The following SCAI variants were observed in gnomAD, a reference collection of about 807,000 sequenced individuals.
The protein encoded by SCAI is protein SCAI.
In SCAI, 24 loss-of-function variants were observed where a neutral mutation model predicts 92.2. The ratio of observed to expected loss-of-function variants is 0.26; its 90% CI spans 0.19 to 0.37. The LOEUF (loss-of-function observed/expected upper bound fraction) is 0.37, where lower values mean the gene tolerates loss of function less well. Among genes scored for constraint, SCAI ranks in the 10% least tolerant of loss-of-function variants. The pLI, the probability that SCAI is intolerant of heterozygous loss-of-function variation, is 1.00. For synonymous variants in SCAI, 261 were observed against 258.6 expected (o/e 1.01, Z -0.09); for missense variants, 450 against 736.2 (o/e 0.61, Z 4.50).
intron 17 of SCAI, among the ~76,000 whole-genome samples, chr9:124,955,886 G>A (rs1209328065): frequency 6.6e-6 from 1 of 152,122 alleles, no homozygotes; most frequent in Non-Finnish European, 1.5e-5. Context: ...GTAACAGAAT[G>A]CATAAACAGC....
intron 2 of SCAI, among the ~76,000 whole-genome samples, chr9:125,071,597 T>C (rs1256171493): frequency 6.6e-6 from 1 of 152,150 alleles, no homozygotes; most frequent in African/African-American, 2.4e-5. Flanking sequence ...CCCACAAGAC[T>C]ATAAAGACAT....
chr9:125,141,388 A>C (rs1021256425), intron 2 of SCAI, among the ~76,000 whole-genome samples: 1 of 152,240 alleles, frequency 6.6e-6, no homozygotes, highest in African/African-American at 2.4e-5. Context: ...CTGGTCACAT[A>C]ACTACAGTAG....
chr9:124,943,910 A>G lies in SCAI; in HGVS notation c.*8897T>C, dbSNP rs1261678976. The G allele has an allele frequency of 1.3e-5, 2 of 152,236 alleles. No individual in the cohort carries two copies. Among genetic ancestry groups the G allele is most frequent in the Admixed American group, 6.5e-5 (1 of 15,282 alleles). 9.4% of individuals were successfully genotyped at this position (152,236 alleles called of 1,614,324 possible). On this transcript the variant is annotated 3_prime_UTR_variant, in exon 18 of 18. Transcript: ENST00000336505. ...GATTTATAACTGCTTCATCTGATTC[A>G]ATGATTAATGAAATCACTATTTATA...
chr9:125,131,610 G>C (rs1308103738), intron 2 of SCAI, among the ~76,000 whole-genome samples: 1 of 151,896 alleles, frequency 6.6e-6, no homozygotes, highest in Non-Finnish European at 1.5e-5. Flanking sequence ...TTTCATTCTT[G>C]AGTAAAATAT....
At chr9:125,055,085 C>A (rs1158970623) in intron 3 of SCAI, among the ~76,000 whole-genome samples, 1 of 152,124 alleles carries the variant, frequency 6.6e-6, no homozygotes, top group East Asian at 1.9e-4. Context: ...CAGTATACGT[C>A]CAAACCTGGG....
At chr9:124,984,591 T>C (rs1182152298) in intron 14 of SCAI, among the ~76,000 whole-genome samples, 3 of 152,134 alleles carry the variant, frequency 2.0e-5, no homozygotes, top group Non-Finnish European at 4.4e-5. Context: ...AGTAGTCAAG[T>C]ACGAAATCAA....
At chr9:125,047,448 C>T (rs766522594) in intron 3 of SCAI, among the ~76,000 whole-genome samples, 2 of 152,114 alleles carry the variant, frequency 1.3e-5, no homozygotes, top group Admixed American at 6.6e-5. Context: ...TTATGGCAGC[C>T]ATAGCAAACT....
chr9:125,033,463 TAAC>T (rs201793470), intron 3 of SCAI, among the ~76,000 whole-genome samples: 61 of 151,736 alleles, frequency 4.0e-4, no homozygotes, highest in African/African-American at 1.2e-3. Context: ...AAATAAGGTA[TAAC>T]AACAACAACA....
chr9:125,062,123 T>C (rs976973308), intron 2 of SCAI, among the ~76,000 whole-genome samples: 2 of 151,848 alleles, frequency 1.3e-5, no homozygotes, highest in Non-Finnish European at 2.9e-5. Context: ...CATGCCTTAA[T>C]CTCTAGATTT....
At chr9:124,986,536 C>G (rs1443354247) in intron 14 of SCAI, among the ~76,000 whole-genome samples, 1 of 152,120 alleles carries the variant, frequency 6.6e-6, no homozygotes, top group African/African-American at 2.4e-5. Context: ...GTGGAGGACA[C>G]AGTGTGAATG....
rs370360450 is a variant in SCAI at position 124,952,839 on chromosome 9, C to T, written c.1789G>A (p.Val597Met). Residue 597 changes from valine (V) to methionine (M), a missense_variant, in exon 18 of 18, where the codon GTG becomes ATG. By Grantham distance (21) the Val-to-Met change is conservative (BLOSUM62 1). Around this residue, in one of 3 missense-constraint regions of SCAI, gnomAD observed 360 missense variants for 601.8 expected, o/e 0.60. Coordinates refer to ENST00000336505, the MANE Select transcript of SCAI (RefSeq NM_001144877.3). ...TCATCAATGGTATTCTCAAAGAACACGTTTCGAACATCCAGAATGGATGCT... is the reference window on the plus strand; with the variant it reads ...TCATCAATGGTATTCTCAAAGAACATGTTTCGAACATCCAGAATGGATGCT... ...ELASILDVRN[V>M]FFENTIDDY 17 of 1,613,450 alleles carry T rather than the reference C, an allele frequency of 1.1e-5. No homozygotes were observed. The highest frequency in any genetic ancestry group is 1.0e-4 in the Admixed American group (6 of 59,948).
At chr9:125,090,934 T>C (rs1834417336) in intron 2 of SCAI, among the ~76,000 whole-genome samples, 1 of 151,990 alleles carries the variant, frequency 6.6e-6, no homozygotes, top group Non-Finnish European at 1.5e-5. Context: ...CTGGCCAACA[T>C]GGTGAAACCC....
chr9:125,050,303 C>CA lies in SCAI; in HGVS notation c.230+5572dup, dbSNP rs111339145. On this transcript the variant is annotated intron_variant, in intron 3 of 17. Transcript: ENST00000336505. ...GAGGTGGGCGCAGGGGGATAGCAAC[C>CA]AAAAAAACCTTATAATTATTCCAAA... Among the ~76,000 whole-genome samples the CA allele has an allele frequency of 5.9e-5, 9 of 151,870 alleles. No individual in the cohort carries two copies. The South Asian group carries it at 1.0e-3, about 18-fold the overall frequency.
chr9:124,991,182 A>G (rs1462334345), intron 14 of SCAI, among the ~76,000 whole-genome samples: 1 of 151,776 alleles, frequency 6.6e-6, no homozygotes, highest in African/African-American at 2.4e-5. Flanking sequence ...GGGAAATCCC[A>G]TCTCTACTAA....
At chr9:125,059,640 C>A (rs766456423) in intron 2 of SCAI, among the ~76,000 whole-genome samples, 3 of 152,120 alleles carry the variant, frequency 2.0e-5, no homozygotes, top group Non-Finnish European at 2.9e-5. Flanking sequence ...CATAAGTTTC[C>A]CTGAATGTAT....
intron 2 of SCAI, among the ~76,000 whole-genome samples, chr9:125,122,302 G>A (rs773587524): frequency 6.6e-6 from 1 of 152,152 alleles, no homozygotes; most frequent in African/African-American, 2.4e-5. Context: ...ATTTAAAACT[G>A]GTTGTGGGCC....
intron 2 of SCAI, among the ~76,000 whole-genome samples, chr9:125,134,482 TAAC>T (rs199622334): frequency 3.9e-5 from 6 of 152,212 alleles, no homozygotes; most frequent in Admixed American, 6.5e-5. Flanking sequence ...TTTAAATATG[TAAC>T]AACAACAACA....
At chr9:124,961,831 C>A (rs145159990) in intron 17 of SCAI, among the ~76,000 whole-genome samples, 103 of 151,036 alleles carry the variant, frequency 6.8e-4, no homozygotes, top group Non-Finnish European at 1.3e-3. Context: ...CCATGTATAA[C>A]TTTTAACTAC....
At chr9:125,118,226 G>T (rs752429819) in intron 2 of SCAI, among the ~76,000 whole-genome samples, 3 of 152,152 alleles carry the variant, frequency 2.0e-5, no homozygotes, top group Non-Finnish European at 2.9e-5. Context: ...AGCCAAGCAT[G>T]GTGGCTCACT....
Sources: gnomAD v4.1 joint callset for allele counts (sites outside exome capture counted in the v4.1 genomes callset) on GRCh38, gnomAD v4.1.1 for gene constraint, gnomAD v4.1.1 regional missense constraint, MANE v1.5 for transcripts, NCBI Gene and HGNC (gene_info 2026-07-23, HGNC 2026-07-21) for gene names.